RECQL4: variants seen among roughly 807,000 people sequenced by gnomAD.
The protein encoded by RECQL4 is ATP-dependent DNA helicase Q4.
In RECQL4, 158 loss-of-function variants were observed where a neutral mutation model predicts 128.6. The ratio of observed to expected loss-of-function variants is 1.23; its 90% CI spans 1.08 to 1.40. The LOEUF is 1.40. Among genes scored for constraint, RECQL4 ranks in the 40% most tolerant of loss-of-function variants. The probability of loss-of-function intolerance (pLI) is 0.00; values close to 1 mark genes in which losing one functional copy is unlikely to be tolerated. For missense variants in RECQL4, 2,293 were observed against 1,649.8 expected, an observed-to-expected ratio of 1.39 and a Z score of -6.75; for synonymous variants, 996 against 678.9, an observed-to-expected ratio of 1.47 and a Z score of -7.26.
In RECQL4 at chr8:144,513,488, G is replaced by C; in HGVS notation, c.2201-8C>G. The C allele has an allele frequency of 6.2e-7, 1 of 1,610,138 alleles. No homozygotes were observed. The highest frequency in any genetic ancestry group is 8.5e-7 in the Non-Finnish European group (1 of 1,179,778). On this transcript the variant is annotated splice_polypyrimidine_tract_variant and splice_region_variant and intron_variant, in intron 13 of 20. Transcript: ENST00000617875. ...TGGTTTTGGGGGCACGACCTTTGGG[G>C]AAGACAGGCAGATGGTCAGTGGGAT...
rs760363252 is a variant in RECQL4, at chr8:144,514,441, C to G, written c.1704+1G>C. On this transcript the variant is annotated splice_donor_variant, in intron 10 of 20. Coordinates refer to ENST00000617875, the MANE Select transcript of RECQL4 (RefSeq NM_004260.4). LOFTEE classifies it high-confidence loss of function. The stretch of plus-strand genomic sequence containing the variant: ...CACCCCTAGGCCCATGAGGCCCCCA[C>G]CTTCTGCAGGACAGATTCCCGTTGC... 2 of 1,611,468 alleles carry G rather than the reference C, an allele frequency of 1.2e-6. No homozygotes were observed. Among genetic ancestry groups the G allele is most frequent in the South Asian group, 2.2e-5 (2 of 90,946 alleles).
At position 144,513,711 on chromosome 8, in the gene RECQL4, G is replaced by A. The variant is rs1204590426; in HGVS notation, c.2060C>T (p.Ala687Val). The A allele has an allele frequency of 1.9e-6, 3 of 1,550,106 alleles. No individual in the cohort carries two copies. Among genetic ancestry groups the A allele is most frequent in the African/African-American group, 1.4e-5 (1 of 72,994 alleles). Residue 687 changes from alanine to valine, a missense_variant and splice_region_variant, in exon 13 of 21, where the codon GCA (alanine) becomes GTA (valine). Ala to Val is a moderately conservative substitution (Grantham distance 64). Coordinates refer to ENST00000617875, the MANE Select transcript of RECQL4 (RefSeq NM_004260.4). ...TTTGCCTTGCAGCAGCGTCAACAGT[G>A]CCTGATGAGGAGCGGTTGGCGTGGG... is the stretch of plus-strand genomic sequence containing the variant. Reference protein sequence around the residue: ...SVSMDRDTDQALLTLLQGKRF... With the variant: ...SVSMDRDTDQVLLTLLQGKRF...
rs1827661449 is a variant in RECQL4, at chr8:144,513,598, G to A, written c.2173C>T (p.His725Tyr). Residue 725 changes from histidine to tyrosine, a missense_variant, in exon 13 of 21, where the codon CAC (histidine) becomes TAC (tyrosine). By Grantham distance (83) the His-to-Tyr change is moderately conservative (BLOSUM62 2). Transcript: ENST00000617875. ...RIAALLRTCLHAAWVPGSGGR... is the reference protein window; with the variant it reads ...RIAALLRTCLYAAWVPGSGGR... ...CCAGACCCTGGGACCCAGGCTGCGT[G>A]CAGGCAGGTTCGGAGGAGCGCAGCG... 4 of 1,609,092 alleles carry A rather than the reference G, an allele frequency of 2.5e-6. No individual in the cohort carries two copies. Among genetic ancestry groups the A allele is most frequent in the Non-Finnish European group, 3.4e-6 (4 of 1,178,382 alleles).
chr8:144,516,990 C>T (rs1383630749), intron 4 of RECQL4, 60 bp downstream of exon 4: 2 of 1,556,198 alleles, frequency 1.3e-6, no homozygotes, highest in Admixed American at 1.9e-5. Context: ...GACAAGAGGG[C>T]GACCCGGACC....
Position 144,516,272 on chromosome 8 carries a change from C to G in RECQL4, c.847G>C (p.Gly283Arg). ...GCCCCAGCCCCCTCCGATGGGGGTC[C>G]AGCTTGGCTGCTCTCCTGCTGGACC... is the stretch of plus-strand genomic sequence containing the variant. ...AQVQQESSQA[G>R]PPSEGAGAVA... Residue 283 changes from glycine (G) to arginine (R), a missense_variant, in exon 5 of 21, where the codon GGA (glycine) becomes CGA (arginine). Gly to Arg is a moderately radical substitution (Grantham distance 125). Coordinates refer to ENST00000617875, the MANE Select transcript of RECQL4 (RefSeq NM_004260.4). 1.2e-6 allele frequency: 2 copies of G among 1,611,884 alleles called. No individual in the cohort carries two copies. Among genetic ancestry groups the G allele is most frequent in the Non-Finnish European group, 1.7e-6 (2 of 1,179,454 alleles).
chr8:144,516,847 C>A, intron 4 of RECQL4, 83 bp from the exon 5 acceptor site: 6 of 1,421,096 alleles, frequency 4.2e-6, no homozygotes, highest in Non-Finnish European at 5.7e-6. Flanking sequence ...AGTCCCCACG[C>A]TCAATTGTAG....
rs761794554 is a variant in RECQL4 at position 144,514,100 on chromosome 8, C to T, written c.1886G>A (p.Arg629Gln). The change falls in exon 12 of 21, where the codon CGG becomes CAG. Residue 629 changes from arginine (R) to glutamine (Q), a missense_variant. Arg to Gln is a conservative substitution (Grantham distance 43). Transcript: ENST00000617875. ...GAAGCAGTGCACGCCCATGCGCTCC[C>T]GAAGCACCTGCACCAGAGGCGGCAG... ...PCYLRVCKVL[R>Q]ERMGVHCFLG... The T allele has an allele frequency of 2.9e-5, 46 of 1,604,664 alleles. No homozygotes were observed. Among genetic ancestry groups the T allele is most frequent in the Admixed American group, 1.0e-4 (6 of 58,934 alleles).
intron 8 of RECQL4, 33 bp downstream of exon 8, chr8:144,515,117 C>A: frequency 6.3e-7 from 1 of 1,578,524 alleles, no homozygotes; most frequent in Non-Finnish European, 8.6e-7. Context: ...AGCCTGGCCT[C>A]AGCCCAGCCT....
rs368979398 is a variant in RECQL4, at chr8:144,516,011, G to C, written c.1108C>G (p.Arg370Gly). ...ACCTGCTTGCGGAGGAGCCTGCTAC[G>C]GAGTGCCCGGCCCCGCACGTAGTGT... The part of the protein sequence containing the change: ...QKHYVRGRAL[R>G]SRLLRKQAWK... Residue 370 changes from arginine to glycine, a missense_variant, in exon 5 of 21, where the codon CGT becomes GGT. Coordinates refer to ENST00000617875, the MANE Select transcript of RECQL4 (RefSeq NM_004260.4). The C allele has an allele frequency of 6.2e-7, 1 of 1,609,930 alleles. No individual in the cohort carries two copies. The highest frequency in any genetic ancestry group is 1.7e-5 in the Admixed American group (1 of 59,964).
chr8:144,513,747 TGA>T (rs1237997916), intron 12 of RECQL4, 35 bp from the exon 13 acceptor site: 2 of 1,304,412 alleles, frequency 1.5e-6, no homozygotes, highest in Non-Finnish European at 2.0e-6. Context: ...CAGTGGGGAG[TGA>T]GGAGGGGTCG....
At chr8:144,515,527 C>G in intron 6 of RECQL4, 70 bp from the exon 7 acceptor site, 1 of 1,605,520 alleles carries the variant, frequency 6.2e-7, no homozygotes, top group Non-Finnish European at 8.5e-7. Flanking sequence ...CACAACCTCT[C>G]CTTCCCCCAA....
Position 144,511,540 on chromosome 8 carries a change from G to A in RECQL4, c.3518C>T (p.Pro1173Leu), listed in dbSNP as rs1375776479. 1.2e-5 allele frequency: 20 copies of A among 1,612,206 alleles called. 1 individual carries two copies. The highest frequency in any genetic ancestry group is 6.6e-5 in the South Asian group (6 of 91,084). Residue 1173 changes from proline (P) to leucine (L), a missense_variant, in exon 21 of 21, where the codon CCG becomes CTG. Physicochemically the swap from Pro to Leu is moderately conservative, Grantham distance 98. Coordinates refer to ENST00000617875, the MANE Select transcript of RECQL4 (RefSeq NM_004260.4). ...TCGGTCCTGCCCGTACACCTGGGCCGGGTAGCAGGGGCTTCCTACGGTGGA... is the reference window on the plus strand; with the variant it reads ...TCGGTCCTGCCCGTACACCTGGGCCAGGTAGCAGGGGCTTCCTACGGTGGA... ...IFHGIGSPCY[P>L]AQVYGQDRRF...
rs1161967688 is a variant in RECQL4, at chr8:144,512,051, A to T, written c.3253T>A (p.Cys1085Ser). The change falls in exon 19 of 21, where the codon TGC becomes AGC. Residue 1085 changes from cysteine to serine, a missense_variant. Transcript: ENST00000617875. Reference protein sequence around the residue: ...QAFHSVAFPSCGPCLEQQDEE... With the variant: ...QAFHSVAFPSSGPCLEQQDEE... The stretch of plus-strand genomic sequence containing the variant: ...TCCTGCTGCTCCAGGCAGGGCCCGC[A>T]GCTGGGGAAGGCTACGCTGTGGGGA... The T allele has an allele frequency of 6.2e-7, 1 of 1,608,560 alleles. No individual in the cohort carries two copies.
chr8:144,512,293 C>A lies in RECQL4; in HGVS notation c.3087G>T (p.Glu1029Asp), dbSNP rs767786765. The change falls in exon 18 of 21, where the codon GAG becomes GAT. Residue 1029 changes from glutamate to aspartate, a missense_variant. Transcript: ENST00000617875. The stretch of plus-strand genomic sequence containing the variant: ...GAAGGTGGAAGGCCAGCTCACTGAA[C>A]TCCACAAGCACCCCTGTCCCACGCC... ...GVRRGTGVLV[E>D]FSELAFHLRS... 1 of 1,612,528 alleles carries A rather than the reference C, an allele frequency of 6.2e-7. No homozygotes were observed. The highest frequency in any genetic ancestry group is 8.5e-7 in the Non-Finnish European group (1 of 1,179,800).
rs762956818 is a variant in RECQL4, at chr8:144,512,080, G to A, written c.3237-13C>T. 2 of 1,605,936 alleles carry A rather than the reference G, an allele frequency of 1.2e-6. No homozygotes were observed. The highest frequency in any genetic ancestry group is 1.7e-6 in the Non-Finnish European group (2 of 1,177,542). On this transcript the variant is annotated splice_polypyrimidine_tract_variant and intron_variant, in intron 18 of 20. Transcript: ENST00000617875. ...GGGGAAGGCTACGCTGTGGGGAGGA[G>A]CCTGTCAGAGCTGATCACTGCGGGA...
rs781569277 is a variant in RECQL4, at chr8:144,516,334, C to A, written c.785G>T (p.Arg262Leu). 6.2e-7 allele frequency: 1 copy of A among 1,609,690 alleles called. No individual in the cohort carries two copies. Among genetic ancestry groups the A allele is most frequent in the East Asian group, 2.2e-5 (1 of 44,850 alleles). The change falls in exon 5 of 21, where the codon CGG (arginine) becomes CTG (leucine). Residue 262 changes from arginine to leucine, a missense_variant. Arg to Leu is a moderately radical substitution (Grantham distance 102). Coordinates refer to ENST00000617875, the MANE Select transcript of RECQL4 (RefSeq NM_004260.4). ...PQPSSSGGEKRRWNEEPWESP... is the reference protein window; with the variant it reads ...PQPSSSGGEKLRWNEEPWESP... ...CTCCCAGGGCTCCTCGTTCCATCTC[C>A]GCTTCTCGCCTCCACTGCTGCTGGG... is the stretch of plus-strand genomic sequence containing the variant.
Position 144,517,254 on chromosome 8 carries a change from C to G in RECQL4, c.214-64G>C, listed in dbSNP as rs555074278. ...TTGTGGCGGCAGAAGCGCTCCCAGC[C>G]ACCCCTCCCGCACCTGGAGCGAGGC... On this transcript the variant is annotated intron_variant, in intron 3 of 20. Coordinates refer to ENST00000617875, the MANE Select transcript of RECQL4 (RefSeq NM_004260.4). The G allele has an allele frequency of 7.1e-4, 1,093 of 1,529,604 alleles. 2 individuals carry two copies. The highest frequency in any genetic ancestry group is 1.1e-3 in the Middle Eastern group (5 of 4,354). 94.8% of individuals were successfully genotyped at this position (1,529,604 alleles called of 1,614,324 possible). A position where few individuals can be genotyped will look rare whatever the true frequency, so the allele number is the denominator to read the frequency against.
At chr8:144,514,584 T>G (rs1827875436) in intron 9 of RECQL4, 59 bp from the exon 10 acceptor site, 3 of 1,528,472 alleles carry the variant, frequency 2.0e-6, no homozygotes, top group East Asian at 2.3e-5. Context: ...CTTCCCCAAG[T>G]CATCCCAGAG....
Position 144,512,955 on chromosome 8 carries a change from C to G in RECQL4, c.2647G>C (p.Glu883Gln), listed in dbSNP as rs555817330. 1.3e-6 allele frequency: 2 copies of G among 1,573,424 alleles called. No homozygotes were observed. The highest frequency in any genetic ancestry group is 3.7e-5 in the Admixed American group (2 of 53,954). The change falls in exon 15 of 21, where the codon GAG becomes CAG. Residue 883 changes from glutamate to glutamine, a missense_variant. Physicochemically the swap from Glu to Gln is conservative, Grantham distance 29. Coordinates refer to ENST00000617875, the MANE Select transcript of RECQL4 (RefSeq NM_004260.4). ...PVPKYPPQEA[E>Q]QLSHQAAPGP... The stretch of plus-strand genomic sequence containing the variant: ...GGGGCTGCTTGGTGGCTAAGCTGCT[C>G]AGCCTCTTGAGGGGGGTACTTGGGC...
Sources: allele counts gnomAD v4.1 joint callset, GRCh38; gene constraint gnomAD v4.1.1; transcripts MANE v1.5; gene names NCBI Gene and HGNC (gene_info 2026-07-23, HGNC 2026-07-21).